DHDH: variants seen among roughly 807,000 people sequenced by gnomAD.
DHDH encodes dihydrodiol dehydrogenase.
A neutral mutation model predicts 33.2 loss-of-function variants in DHDH; 29 were observed. The observed-to-expected ratio is 0.87, with a 90% CI of 0.65 to 1.19. The LOEUF is 1.19. Among genes scored for constraint, DHDH ranks in the 50% most tolerant of loss-of-function variants. The pLI is 0.00. For synonymous variants in DHDH, 201 were observed against 187.9 expected, an observed-to-expected ratio of 1.07 and a Z score of -0.57; for missense variants, 431 against 455.0, an observed-to-expected ratio of 0.95 and a Z score of 0.48.
intron 5 of DHDH, 96 bp downstream of exon 5, chr19:48,942,660 T>C: frequency 6.7e-7 from 1 of 1,499,042 alleles, no homozygotes; most frequent in Non-Finnish European, 8.9e-7. Flanking sequence ...AACCAGCCAA[T>C]TTCACATCAT....
rs1056917899 is a variant in DHDH, at chr19:48,939,508, A to G, written c.426A>G (p.Gly142=). 5 of 1,613,932 alleles carry G rather than the reference A, an allele frequency of 3.1e-6. No homozygotes were observed. The highest frequency in any genetic ancestry group is 4.2e-6 in the Non-Finnish European group (5 of 1,179,918). Residue 142 remains glycine, a synonymous_variant, in exon 4 of 7, where the codon GGA becomes GGG. Transcript: ENST00000221403. The stretch of plus-strand genomic sequence containing the variant: ...CTCTGAGGTCTGTTTTGGCCCAGGG[A>G]ACTCTAGGAGACCTCCGGGTGGCTC... The part of the protein sequence containing the change: ...SEALRSVLAQ[G]TLGDLRVARA...
In DHDH at chr19:48,936,717, A is replaced by C. The variant is rs569779742; in HGVS notation, c.366+522A>C. 7.3e-4 allele frequency among the ~76,000 whole-genome samples: 110 copies of C among 151,132 alleles called. No homozygotes were observed. In the South Asian group the frequency reaches 0.022, roughly 30 times the overall value. On this transcript the variant is annotated intron_variant, in intron 3 of 6. Coordinates refer to ENST00000221403, the MANE Select transcript of DHDH (RefSeq NM_014475.4). ...TCTCAAACAAGAAAAAAAACAAACA[A>C]AAAAAAAAACAAGAAAAAGATGCCA...
upstream of DHDH, among the ~76,000 whole-genome samples, chr19:48,933,450 C>A (rs1286452949): frequency 6.6e-6 from 1 of 152,198 alleles, no homozygotes. Flanking sequence ...GCTGTCCTTA[C>A]CCCGCGTATC....
chr19:48,937,304 G>C (rs567228853), intron 3 of DHDH, among the ~76,000 whole-genome samples: 1 of 152,256 alleles, frequency 6.6e-6, no homozygotes, highest in South Asian at 2.1e-4. Context: ...CTCCGAGCCC[G>C]GGCGGACCTC....
intron 5 of DHDH, 139 bp from the exon 6 acceptor site, chr19:48,944,218 T>A: frequency 8.9e-7 from 1 of 1,127,204 alleles, no homozygotes; most frequent in Non-Finnish European, 1.3e-6. Context: ...GGTCCAAAGC[T>A]CCCCGGGGAT....
rs541784306 is a variant in DHDH at position 48,941,675 on chromosome 19, CT to C, written c.620-748del. ...GGGGATTACAGGCATGAACCACCGG[CT>C]TTTTTTTTTTTTTTTTGAGACGGGG... On this transcript the variant is annotated intron_variant, in intron 4 of 6. Transcript: ENST00000221403. 3.9e-3 allele frequency among the ~76,000 whole-genome samples: 507 copies of C among 131,080 alleles called. 1 individual carries two copies. The highest frequency in any genetic ancestry group is 6.2e-3 in the African/African-American group (220 of 35,546). The allele number at this position is 131,080 out of a possible 152,430, so 86.0% of individuals were successfully genotyped here.
At chr19:48,937,828 A>AAG (rs1389424619) in intron 3 of DHDH, among the ~76,000 whole-genome samples, 1 of 150,032 alleles carries the variant, frequency 6.7e-6, no homozygotes, top group African/African-American at 2.5e-5. Context: ...AAAAAAAAAA[A>AAG]AAAAAGAAAT....
intron 6 of DHDH, 35 bp from the exon 7 acceptor site, chr19:48,944,789 G>A: frequency 6.3e-7 from 1 of 1,580,182 alleles, no homozygotes; most frequent in Non-Finnish European, 8.7e-7. Context: ...TGGGCGCGTG[G>A]GTAGGAGGGG....
chr19:48,944,062 T>G (rs769414988), intron 5 of DHDH, among the ~76,000 whole-genome samples: 2 of 152,096 alleles, frequency 1.3e-5, no homozygotes, highest in Non-Finnish European at 2.9e-5. Flanking sequence ...CACACAAAGA[T>G]AAGCCCTCCT....
In DHDH at chr19:48,936,150, C is replaced by T. The variant is rs762593988; in HGVS notation, c.321C>T (p.Arg107=). The change falls in exon 3 of 7, where the codon CGC becomes CGT. Residue 107 remains arginine (R), a synonymous_variant. Transcript: ENST00000221403. ...KPTGVNAAEV[R]EMVAEARSRA... ...CGGGCGTGAACGCGGCGGAAGTTCG[C>T]GAGATGGTCGCGGAGGCCCGATCCC... 3 of 1,606,962 alleles carry T rather than the reference C, an allele frequency of 1.9e-6. No homozygotes were observed. The South Asian group carries it at 3.3e-5, about 18-fold the overall frequency.
At chr19:48,944,539 C>T in intron 6 of DHDH, 32 bp downstream of exon 6, 1 of 1,560,700 alleles carries the variant, frequency 6.4e-7, no homozygotes, top group South Asian at 1.2e-5. Context: ...AGGCGCCAGG[C>T]CTGGTAGGGG....
chr19:48,932,891 G>C (rs1237608603), upstream of DHDH, among the ~76,000 whole-genome samples: 1 of 152,170 alleles, frequency 6.6e-6, no homozygotes, highest in East Asian at 1.9e-4. Flanking sequence ...TATGTAGGTA[G>C]ATGTTATCAT....
Position 48,933,708 on chromosome 19 carries a change from T to C in DHDH, c.-14T>C, listed in dbSNP as rs565656282. 61 of 1,612,860 alleles carry C rather than the reference T, an allele frequency of 3.8e-5. 3 individuals are homozygous for C. Among genetic ancestry groups the C allele is most frequent in the Admixed American group, 2.8e-4 (17 of 59,994 alleles). Reference sequence around the variant, plus strand: ...TGGAGGGACCGAAGGTGCCGAGGGCTCCGCATCGCAACCATGGCGCTGCGC... The same window carrying C: ...TGGAGGGACCGAAGGTGCCGAGGGCCCCGCATCGCAACCATGGCGCTGCGC... On this transcript the variant is annotated 5_prime_UTR_variant, in exon 1 of 7. Transcript: ENST00000221403.
intron 4 of DHDH, 67 bp downstream of exon 4, chr19:48,939,768 G>A (rs1228558105): frequency 4.0e-6 from 6 of 1,510,012 alleles, no homozygotes; most frequent in Non-Finnish European, 4.4e-6. Context: ...GCACTGAACT[G>A]AGGACAAGTC....
At chr19:48,944,635 C>A (rs2037915420) in intron 6 of DHDH, 128 bp downstream of exon 6, 1 of 1,378,062 alleles carries the variant, frequency 7.3e-7, no homozygotes, top group Non-Finnish European at 9.9e-7. Context: ...GAGATTGCAC[C>A]ACTGCACTCC....
chr19:48,935,127 G>A lies in DHDH; in HGVS notation c.202+16G>A, dbSNP rs2037753456. ...CCGAGCGTGGGTGAGTGGCGAGGGCGATGGGGGTGCTGGCCGCCGCCCCTG... is the reference window on the plus strand; with the variant it reads ...CCGAGCGTGGGTGAGTGGCGAGGGCAATGGGGGTGCTGGCCGCCGCCCCTG... On this transcript the variant is annotated intron_variant, in intron 2 of 6. Transcript: ENST00000221403. 3 of 1,532,086 alleles carry A rather than the reference G, an allele frequency of 2.0e-6. No individual in the cohort carries two copies. The highest frequency in any genetic ancestry group is 1.8e-6 in the Non-Finnish European group (2 of 1,141,196). The allele number at this position is 1,532,086 out of a possible 1,614,324, so 94.9% of individuals were successfully genotyped here. A position where few individuals can be genotyped will look rare whatever the true frequency, so the allele number is the denominator to read the frequency against.
At chr19:48,939,320 C>A (rs965864326) in intron 3 of DHDH, 129 bp from the exon 4 acceptor site, 4 of 1,082,522 alleles carry the variant, frequency 3.7e-6, no homozygotes, top group African/African-American at 3.2e-5. Flanking sequence ...GGGTCAGGAG[C>A]AAGAGGGATA....
upstream of DHDH, chr19:48,933,582 C>T: frequency 2.7e-6 from 2 of 738,906 alleles, no homozygotes; most frequent in Non-Finnish European, 4.6e-6. Context: ...AATGACCGCT[C>T]TGCCGACTGG....
chr19:48,942,638 A>G, intron 5 of DHDH, 74 bp downstream of exon 5: 2 of 1,543,580 alleles, frequency 1.3e-6, no homozygotes, highest in South Asian at 1.2e-5. Flanking sequence ...CTCTGGAGCT[A>G]GATGAGAGCT....
Sources: allele counts gnomAD v4.1 joint callset (sites outside exome capture counted in the v4.1 genomes callset), GRCh38; gene constraint gnomAD v4.1.1; transcripts MANE v1.5; gene names NCBI Gene and HGNC (gene_info 2026-07-23, HGNC 2026-07-21).